Variants in CNTN3 observed in about 807,000 individuals in gnomAD.
CNTN3 encodes the protein contactin 3.
Under a neutral mutation model 119.1 loss-of-function variants are expected in CNTN3, and 60 were observed. The ratio of observed to expected loss-of-function variants is 0.50; its 90% CI spans 0.41 to 0.62. CNTN3 has a LOEUF of 0.62. Among genes scored for constraint, CNTN3 ranks in the 20% least tolerant of loss-of-function variants. The pLI, the probability that CNTN3 is intolerant of heterozygous loss-of-function variation, is 0.00. For synonymous variants in CNTN3, 450 were observed against 438.7 expected (o/e 1.03, Z -0.32); for missense variants, 1,101 against 1,242.4 (o/e 0.89, Z 1.71).
intron 8 of CNTN3, among the ~76,000 whole-genome samples, chr3:74,366,778 G>GTATA (rs1485995990): frequency 0.016 from 644 of 40,820 alleles, 6 homozygotes; most frequent in South Asian, 0.023. Flanking sequence ...GTGTGTGTGT[G>GTATA]TGTATATATA....
At position 74,374,549 on chromosome 3, in the gene CNTN3, C is replaced by T. The variant is rs146220521; in HGVS notation, c.455-3150G>A. 8.8e-4 allele frequency among the ~76,000 whole-genome samples: 134 copies of T among 152,140 alleles called. 1 individual carries two copies. Among genetic ancestry groups the T allele is most frequent in the African/African-American group, 2.6e-3 (108 of 41,520 alleles). On this transcript the variant is annotated intron_variant, in intron 5 of 22. Transcript: ENST00000263665. ...TCATGTCACTCCCATTCTTTAAATACGCAAACTGACTCCTGATTGATTCTT... is the reference window on the plus strand; with the variant it reads ...TCATGTCACTCCCATTCTTTAAATATGCAAACTGACTCCTGATTGATTCTT...
intron 5 of CNTN3, among the ~76,000 whole-genome samples, chr3:74,386,803 C>G (rs2106820946): frequency 6.6e-6 from 1 of 152,266 alleles, no homozygotes; most frequent in South Asian, 2.1e-4. Context: ...GATGAGTGTT[C>G]AATAAATGTT....
At chr3:74,494,811 G>T (rs1016394828) in intron 3 of CNTN3, among the ~76,000 whole-genome samples, 1 of 152,018 alleles carries the variant, frequency 6.6e-6, no homozygotes, top group Non-Finnish European at 1.5e-5. Context: ...ACCGTTAAAG[G>T]TGTCTTCACT....
intron 11 of CNTN3, among the ~76,000 whole-genome samples, chr3:74,342,500 G>A (rs2106727527): frequency 6.6e-6 from 1 of 152,282 alleles, no homozygotes; most frequent in South Asian, 2.1e-4. Context: ...ATAACAAGCA[G>A]CTCTGTGATT....
chr3:74,374,213 T>C (rs1704414480), intron 5 of CNTN3, among the ~76,000 whole-genome samples: 1 of 152,104 alleles, frequency 6.6e-6, no homozygotes, highest in Non-Finnish European at 1.5e-5. Context: ...CCACTCTTTG[T>C]TCACCAACAT....
intron 4 of CNTN3, among the ~76,000 whole-genome samples, chr3:74,465,479 A>G (rs1449984028): frequency 6.6e-6 from 1 of 152,244 alleles, no homozygotes; most frequent in African/African-American, 2.4e-5. Context: ...ACAGCCTTCA[A>G]TTAATTAAAC....
At chr3:74,333,419 C>G (rs915749675) in intron 13 of CNTN3, among the ~76,000 whole-genome samples, 1 of 152,196 alleles carries the variant, frequency 6.6e-6, no homozygotes, top group Admixed American at 6.5e-5. Context: ...CTTGCCTCTT[C>G]CAGCTTCTGG....
chr3:74,584,342 C>A (rs772621347), intron 1 of CNTN3, among the ~76,000 whole-genome samples: 1 of 152,010 alleles, frequency 6.6e-6, no homozygotes, highest in Admixed American at 6.6e-5. Flanking sequence ...TGATATTTGT[C>A]CCTTCTAAAT....
chr3:74,344,739 G>A (rs942189159), intron 11 of CNTN3, among the ~76,000 whole-genome samples: 3 of 152,054 alleles, frequency 2.0e-5, no homozygotes, highest in African/African-American at 7.2e-5. Context: ...GATTACAGGC[G>A]TTGAGACACC....
chr3:74,462,435 T>C (rs1407731244), intron 4 of CNTN3, among the ~76,000 whole-genome samples: 1 of 152,086 alleles, frequency 6.6e-6, no homozygotes. Flanking sequence ...TTCATGTCTA[T>C]GCCTTTGTTT....
intron 5 of CNTN3, among the ~76,000 whole-genome samples, chr3:74,384,805 T>C (rs2106817598): frequency 6.6e-6 from 1 of 152,216 alleles, no homozygotes; most frequent in East Asian, 1.9e-4. Flanking sequence ...CTGTCTTTTC[T>C]GAGACCATAT....
intron 4 of CNTN3, among the ~76,000 whole-genome samples, chr3:74,473,794 C>T (rs978725388): frequency 4.6e-5 from 7 of 152,016 alleles, no homozygotes; most frequent in Non-Finnish European, 8.8e-5. Flanking sequence ...TGTACAGACC[C>T]GGGGGAAGGG....
chr3:74,586,100 A>G (rs1359231831), intron 1 of CNTN3, among the ~76,000 whole-genome samples: 1 of 152,146 alleles, frequency 6.6e-6, no homozygotes, highest in Non-Finnish European at 1.5e-5. Context: ...CAAACTCCAA[A>G]GAAAAGCAAC....
At chr3:74,410,522 G>T (rs1701420881) in intron 5 of CNTN3, among the ~76,000 whole-genome samples, 1 of 152,082 alleles carries the variant, frequency 6.6e-6, no homozygotes, top group Non-Finnish European at 1.5e-5. Flanking sequence ...GAATCCTGGG[G>T]GATGTTAGTG....
chr3:74,394,878 G>A (rs967414587), intron 5 of CNTN3, among the ~76,000 whole-genome samples: 24 of 151,956 alleles, frequency 1.6e-4, no homozygotes, highest in African/African-American at 5.6e-4. Flanking sequence ...TGATGTGCGT[G>A]GAAGTGCTCT....
chr3:74,451,289 T>C (rs1351032270), intron 4 of CNTN3, among the ~76,000 whole-genome samples: 1 of 152,148 alleles, frequency 6.6e-6, no homozygotes, highest in African/African-American at 2.4e-5. Flanking sequence ...TTTTCATGTG[T>C]TTTTTGGCTG....
intron 1 of CNTN3, among the ~76,000 whole-genome samples, chr3:74,543,595 T>C (rs550937453): frequency 6.6e-6 from 1 of 152,180 alleles, no homozygotes; most frequent in Non-Finnish European, 1.5e-5. Flanking sequence ...AAATACTACA[T>C]ATTAGATCTT....
At chr3:74,507,517 C>T (rs755381189) in intron 2 of CNTN3, among the ~76,000 whole-genome samples, 5 of 151,702 alleles carry the variant, frequency 3.3e-5, no homozygotes, top group Non-Finnish European at 7.4e-5. Flanking sequence ...TACTCTATTA[C>T]TGCCCCCACC....
Position 74,305,080 on chromosome 3 carries a change from A to T in CNTN3, c.1669-2273T>A, listed in dbSNP as rs373919842. The stretch of plus-strand genomic sequence containing the variant: ...ATGTTAGATTCATTCAAGGACACAG[A>T]AGTGTTTAACACATGGCCCATGCTT... On this transcript the variant is annotated intron_variant, in intron 13 of 22. Coordinates refer to ENST00000263665, the MANE Select transcript of CNTN3 (RefSeq NM_020872.3). Among the ~76,000 whole-genome samples the T allele has an allele frequency of 6.0e-3, 916 of 152,374 alleles. 5 individuals are homozygous for T. The highest frequency in any genetic ancestry group is 9.2e-3 in the Non-Finnish European group (626 of 68,042).
Sources: gnomAD v4.1 joint callset for allele counts (sites outside exome capture counted in the v4.1 genomes callset) on GRCh38, gnomAD v4.1.1 for gene constraint, MANE v1.5 for transcripts, NCBI Gene and HGNC (gene_info 2026-07-23, HGNC 2026-07-21) for gene names.